Variants in NRXN3 observed in about 807,000 individuals in gnomAD.
The protein encoded by NRXN3 is neurexin III.
A neutral mutation model predicts 137.6 loss-of-function variants in NRXN3; 32 were observed. The observed-to-expected ratio is 0.23, with a 90% confidence interval of 0.18 to 0.31. The LOEUF (loss-of-function observed/expected upper bound fraction) is 0.31. Ranked by LOEUF, NRXN3 falls within the 10% of genes least tolerant of loss-of-function variation. The probability of loss-of-function intolerance (pLI) is 1.00; values close to 1 mark genes in which losing one functional copy is unlikely to be tolerated. For synonymous variants in NRXN3, 798 were observed against 784.5 expected (o/e 1.02, Z -0.29); for missense variants, 1,574 against 2,062.5 (o/e 0.76, Z 4.59).
chr14:79,653,295 T>C (rs1332709280), intron 16 of NRXN3, among the ~76,000 whole-genome samples: 1 of 152,164 alleles, frequency 6.6e-6, no homozygotes, highest in Non-Finnish European at 1.5e-5. Flanking sequence ...GAGATATTCA[T>C]TGGGCTGCAA....
At chr14:78,405,873 G>A (rs1429499449) in intron 4 of NRXN3, among the ~76,000 whole-genome samples, 1 of 152,200 alleles carries the variant, frequency 6.6e-6, no homozygotes, top group Non-Finnish European at 1.5e-5. Flanking sequence ...CCAAGTAGCT[G>A]ACTCTGCTAC....
intron 9 of NRXN3, among the ~76,000 whole-genome samples, chr14:78,806,062 T>TACC (rs1555504287): frequency 7.2e-6 from 1 of 138,012 alleles, no homozygotes; most frequent in Non-Finnish European, 1.6e-5. Flanking sequence ...TTTTTTTTTT[T>TACC]CCCCTTTGGC....
At chr14:78,778,307 C>G (rs9972280) in intron 8 of NRXN3, among the ~76,000 whole-genome samples, 58,344 of 152,068 alleles carry the variant, frequency 0.38, 16,584 homozygotes, top group African/African-American at 0.8. Flanking sequence ...TTACTTTAAA[C>G]GGTTAGGCAA....
At chr14:78,373,553 A>T (rs1261694930) in intron 4 of NRXN3, among the ~76,000 whole-genome samples, 18 of 152,126 alleles carry the variant, frequency 1.2e-4, no homozygotes, top group Admixed American at 1.2e-3. Flanking sequence ...CTGTTCATGG[A>T]GACAGTGCTT....
rs61976048 is a variant in NRXN3, at chr14:78,353,278, T to C, written c.757+55418T>C. Among the ~76,000 whole-genome samples, 926 of 152,258 alleles carry C rather than the reference T, an allele frequency of 6.1e-3. 2 individuals carry two copies. Among genetic ancestry groups the C allele is most frequent in the Middle Eastern group, 0.017 (5 of 294 alleles). On this transcript the variant is annotated intron_variant, in intron 4 of 20. Transcript: ENST00000335750. Reference sequence around the variant, plus strand: ...TTGACTGGGGTGTCTTAGAGTCCATTTGGGCTACTAAAACAAAATACCGTA... The same window carrying C: ...TTGACTGGGGTGTCTTAGAGTCCATCTGGGCTACTAAAACAAAATACCGTA...
In NRXN3 at chr14:78,734,846, G is replaced by A. The variant is rs1186103197; in HGVS notation, c.2044+19707G>A. On this transcript the variant is annotated intron_variant, in intron 8 of 20. Transcript: ENST00000335750. ...ACAGAAGGTGGAAGTGGGGAGGAGA[G>A]GGAAGAGGAGACAGGGCTTGGTCAT... Among the ~76,000 whole-genome samples, 6 of 152,298 alleles carry A rather than the reference G, an allele frequency of 3.9e-5. No homozygotes were observed. In the East Asian group the frequency reaches 1.2e-3, roughly 29 times the overall value.
rs572726133 is a variant in NRXN3, at chr14:79,509,737, G to A, written c.3444+42335G>A. Among the ~76,000 whole-genome samples the A allele has an allele frequency of 1.3e-3, 199 of 151,806 alleles. 1 individual carries two copies. The highest frequency in any genetic ancestry group is 2.5e-3 in the Non-Finnish European group (168 of 67,948). On this transcript the variant is annotated intron_variant, in intron 16 of 20. Transcript: ENST00000335750. ...TATATAAAAAATCACATCATACTCC[G>A]TAAATATATAAAATTGTAAGTCAAC...
chr14:78,934,177 A>AAAAAC (rs1555598369), intron 10 of NRXN3, among the ~76,000 whole-genome samples: 1 of 151,728 alleles, frequency 6.6e-6, no homozygotes, highest in Non-Finnish European at 1.5e-5. Context: ...AAAAAAAAAA[A>AAAAAC]AAACCCCAAA....
chr14:79,280,108 T>C, intron 15 of NRXN3: 1 of 1,408,496 alleles, frequency 7.1e-7, no homozygotes. Flanking sequence ...TCTTTTTTTT[T>C]TCTTTCTTTA....
intron 10 of NRXN3, among the ~76,000 whole-genome samples, chr14:78,901,381 T>C (rs2099195862): frequency 6.6e-6 from 1 of 152,038 alleles, no homozygotes; most frequent in Non-Finnish European, 1.5e-5. Context: ...TACATGTATG[T>C]ATTACCCCAA....
intron 19 of NRXN3, among the ~76,000 whole-genome samples, chr14:79,700,344 C>A (rs907658759): frequency 6.6e-6 from 1 of 151,996 alleles, no homozygotes; most frequent in Non-Finnish European, 1.5e-5. Context: ...GTAGGGAAGA[C>A]TGGATTTCAT....
intron 4 of NRXN3, among the ~76,000 whole-genome samples, chr14:78,584,393 A>T (rs2097038389): frequency 6.6e-6 from 1 of 152,158 alleles, no homozygotes; most frequent in South Asian, 2.1e-4. Context: ...CCAAAGGCTG[A>T]ACGTCATTGT....
chr14:78,912,718 CCATT>C, intron 10 of NRXN3, among the ~76,000 whole-genome samples: 1 of 152,232 alleles, frequency 6.6e-6, no homozygotes, highest in South Asian at 2.1e-4. Context: ...GGGCAGCAGA[CCATT>C]CAAAGTAAGA....
chr14:78,686,318 C>A (rs2098125707), intron 6 of NRXN3, among the ~76,000 whole-genome samples: 1 of 152,142 alleles, frequency 6.6e-6, no homozygotes, highest in South Asian at 2.1e-4. Context: ...TCCCAATGTA[C>A]CATTTCTCTG....
intron 8 of NRXN3, among the ~76,000 whole-genome samples, chr14:78,796,316 C>A (rs111583789): frequency 6.6e-6 from 1 of 152,162 alleles, no homozygotes; most frequent in Non-Finnish European, 1.5e-5. Flanking sequence ...TAGTGTCACT[C>A]GGGTGGAAGT....
At chr14:79,179,868 G>A (rs2062734628) in intron 15 of NRXN3, among the ~76,000 whole-genome samples, 1 of 152,160 alleles carries the variant, frequency 6.6e-6, no homozygotes, top group Admixed American at 6.5e-5. Context: ...TTCCCCTCAG[G>A]TGGAGAGCTG....
intron 1 of NRXN3, among the ~76,000 whole-genome samples, chr14:78,171,906 T>A (rs766471104): frequency 2.3e-4 from 35 of 152,230 alleles, no homozygotes; most frequent in Non-Finnish European, 4.0e-4. Context: ...CTTTTTTTTT[T>A]AATGCAAAGG....
chr14:79,590,416 T>TAAAAAAAAAAAA (rs11419735), intron 16 of NRXN3, among the ~76,000 whole-genome samples: 4 of 92,288 alleles, frequency 4.3e-5, no homozygotes, highest in African/African-American at 1.1e-4. Context: ...TTTCTTTTGT[T>TAAAAAAAAAAAA]AAAAAAAAAA....
chr14:78,558,462 A>C (rs1204447138), intron 4 of NRXN3, among the ~76,000 whole-genome samples: 2 of 152,222 alleles, frequency 1.3e-5, no homozygotes, highest in Non-Finnish European at 2.9e-5. Context: ...AAAATGATGA[A>C]GTCTGTTAGT....
Sources: allele counts gnomAD v4.1 joint callset (sites outside exome capture counted in the v4.1 genomes callset), GRCh38; gene constraint gnomAD v4.1.1; transcripts MANE v1.5; gene names NCBI Gene and HGNC (gene_info 2026-07-23, HGNC 2026-07-21).